LRRTM4: variants seen among roughly 807,000 people sequenced by gnomAD.
LRRTM4 encodes the protein leucine-rich repeat transmembrane neuronal protein 4.
In LRRTM4, 25 loss-of-function variants were observed where a neutral mutation model predicts 47.6. The ratio of observed to expected loss-of-function variants is 0.53; its 90% CI spans 0.38 to 0.73. The LOEUF is 0.73. Ranked by LOEUF, LRRTM4 falls within the 30% of genes least tolerant of loss-of-function variation. The pLI is 0.00. For missense variants in LRRTM4, 638 were observed against 713.4 expected, an observed-to-expected ratio of 0.89 and a Z score of 1.20; for synonymous variants, 311 against 269.5, an observed-to-expected ratio of 1.15 and a Z score of -1.51.
chr2:77,279,487 G>A (rs1211889990), intron 3 of LRRTM4, among the ~76,000 whole-genome samples: 1 of 151,850 alleles, frequency 6.6e-6, no homozygotes, highest in Non-Finnish European at 1.5e-5. Flanking sequence ...GTATTCAAAA[G>A]AGCATATCAT....
In LRRTM4 at chr2:76,875,166, T is replaced by C. The variant is rs527762820; in HGVS notation, c.1552-126250A>G. 4.6e-5 allele frequency among the ~76,000 whole-genome samples: 7 copies of C among 152,080 alleles called. No homozygotes were observed. The South Asian group carries it at 1.4e-3, about 31-fold the overall frequency. Reference sequence around the variant, plus strand: ...GGTTCACTAAAGGACAAATATTTTATTTTACTTTTCAATAATGCACATATG... The same window carrying C: ...GGTTCACTAAAGGACAAATATTTTACTTTACTTTTCAATAATGCACATATG... On this transcript the variant is annotated intron_variant, in intron 3 of 3. Transcript: ENST00000409884.
Position 77,259,107 on chromosome 2 carries a change from T to G in LRRTM4, c.1551+259211A>C, listed in dbSNP as rs557601275. Among the ~76,000 whole-genome samples the G allele has an allele frequency of 2.0e-3, 306 of 151,912 alleles. 1 individual carries two copies. Among genetic ancestry groups the G allele is most frequent in the African/African-American group, 7.0e-3 (289 of 41,456 alleles). On this transcript the variant is annotated intron_variant, in intron 3 of 3. Coordinates refer to ENST00000409884, the MANE Select transcript of LRRTM4 (RefSeq NM_001134745.3). ...TAATCAGAATGCTCAAACATAAATA[T>G]AAAAAACTTAAAAAAAAATTTGTGT... is the stretch of plus-strand genomic sequence containing the variant.
intron 3 of LRRTM4, among the ~76,000 whole-genome samples, chr2:77,490,019 G>T (rs1315738002): frequency 6.6e-6 from 1 of 152,186 alleles, no homozygotes; most frequent in Non-Finnish European, 1.5e-5. Context: ...GGAGGCCGAA[G>T]TGGGCAGATC....
chr2:77,133,664 G>C (rs1295979926), intron 3 of LRRTM4, among the ~76,000 whole-genome samples: 3 of 152,070 alleles, frequency 2.0e-5, no homozygotes, highest in Non-Finnish European at 2.9e-5. Context: ...TTCGATGTTG[G>C]ATGAAATAAA....
intron 3 of LRRTM4, among the ~76,000 whole-genome samples, chr2:77,364,796 C>T (rs1672379408): frequency 6.6e-6 from 1 of 151,982 alleles, no homozygotes; most frequent in Non-Finnish European, 1.5e-5. Flanking sequence ...AAGCCGAACC[C>T]TCTCTATTAT....
chr2:76,807,364 G>A, intron 3 of LRRTM4, among the ~76,000 whole-genome samples: 1 of 140,912 alleles, frequency 7.1e-6, no homozygotes, highest in South Asian at 2.2e-4. Flanking sequence ...CCCAGAATAT[G>A]CATTATAAAC....
chr2:76,930,456 T>C (rs1311303795), intron 3 of LRRTM4, among the ~76,000 whole-genome samples: 1 of 152,232 alleles, frequency 6.6e-6, no homozygotes, highest in African/African-American at 2.4e-5. Context: ...ACATATTGGC[T>C]CTTTTGATGT....
chr2:76,911,929 G>A (rs1411112617), intron 3 of LRRTM4, among the ~76,000 whole-genome samples: 1 of 23,948 alleles, frequency 4.2e-5, no homozygotes, highest in African/African-American at 1.4e-4. Flanking sequence ...TGTGGTATGT[G>A]CTTTTTGGGG....
intron 3 of LRRTM4, among the ~76,000 whole-genome samples, chr2:77,484,763 A>C (rs1185952085): frequency 6.6e-6 from 1 of 152,222 alleles, no homozygotes; most frequent in Non-Finnish European, 1.5e-5. Flanking sequence ...AAAAGTTTTC[A>C]GGTTTTTTTT....
chr2:76,821,451 A>G (rs1671051003), intron 3 of LRRTM4, among the ~76,000 whole-genome samples: 3 of 151,712 alleles, frequency 2.0e-5, no homozygotes, highest in South Asian at 2.1e-4. Flanking sequence ...TAAAATTACT[A>G]TATTTTTAAA....
At chr2:77,165,739 G>A (rs141499583) in intron 3 of LRRTM4, among the ~76,000 whole-genome samples, 1,700 of 152,238 alleles carry the variant, frequency 0.011, 36 homozygotes, top group African/African-American at 0.039. Context: ...TGCAGAAAAG[G>A]CCTTCAACAA....
intron 3 of LRRTM4, among the ~76,000 whole-genome samples, chr2:77,109,326 A>C (rs1671184502): frequency 6.6e-6 from 1 of 152,240 alleles, no homozygotes; most frequent in South Asian, 2.1e-4. Flanking sequence ...GTGAAAAAAA[A>C]TGAAGTTTCA....
chr2:77,082,063 T>A (rs765506287), intron 3 of LRRTM4, among the ~76,000 whole-genome samples: 1 of 152,168 alleles, frequency 6.6e-6, no homozygotes, highest in Non-Finnish European at 1.5e-5. Context: ...TTGTTTTGTA[T>A]TACTGCTTAT....
chr2:77,076,235 T>C (rs1024706360), intron 3 of LRRTM4, among the ~76,000 whole-genome samples: 4 of 152,210 alleles, frequency 2.6e-5, no homozygotes, highest in African/African-American at 7.2e-5. Flanking sequence ...CCTTGGAAGA[T>C]AGAAAAATTC....
chr2:76,770,147 G>A (rs1409391790), intron 3 of LRRTM4, among the ~76,000 whole-genome samples: 1 of 152,140 alleles, frequency 6.6e-6, no homozygotes, highest in Non-Finnish European at 1.5e-5. Flanking sequence ...GTTTCAAAAA[G>A]GGGCTTAGAT....
chr2:77,356,699 T>C (rs1246633467), intron 3 of LRRTM4, among the ~76,000 whole-genome samples: 1 of 152,124 alleles, frequency 6.6e-6, no homozygotes, highest in Admixed American at 6.6e-5. Context: ...CAATGGGTAA[T>C]GCTAAGTCTA....
At chr2:76,962,404 T>G (rs2103916045) in intron 3 of LRRTM4, among the ~76,000 whole-genome samples, 1 of 151,200 alleles carries the variant, frequency 6.6e-6, no homozygotes, top group African/African-American at 2.4e-5. Flanking sequence ...ATGCCTCAAT[T>G]TTTGTTGTTT....
At chr2:77,318,000 CTTTTTTT>C (rs61212194) in intron 3 of LRRTM4, among the ~76,000 whole-genome samples, 7 of 99,792 alleles carry the variant, frequency 7.0e-5, no homozygotes, top group Admixed American at 2.4e-4. Flanking sequence ...ATTCCTAACA[CTTTTTTT>C]TTTTTTTTTT....
intron 3 of LRRTM4, among the ~76,000 whole-genome samples, chr2:77,434,104 G>T (rs1675494160): frequency 6.6e-6 from 1 of 152,102 alleles, no homozygotes; most frequent in African/African-American, 2.4e-5. Flanking sequence ...GCCCTACTAA[G>T]TTTCCCACAG....
Sources: allele counts gnomAD v4.1 joint callset (sites outside exome capture counted in the v4.1 genomes callset), GRCh38; gene constraint gnomAD v4.1.1; transcripts MANE v1.5; gene names NCBI Gene and HGNC (gene_info 2026-07-23, HGNC 2026-07-21).